The following NOL4L variants were observed in gnomAD, a reference collection of about 807,000 sequenced individuals.
NOL4L encodes nucleolar protein 4-like.
Under a neutral mutation model 64.5 loss-of-function variants are expected in NOL4L, and 7 were observed. The ratio of observed to expected loss-of-function variants is 0.11; its 90% confidence interval spans 0.06 to 0.20. The LOEUF is 0.20. Ranked by LOEUF, NOL4L falls within the 10% of genes least tolerant of loss-of-function variation. NOL4L has a pLI of 1.00. For missense variants in NOL4L, 680 were observed against 967.1 expected, an observed-to-expected ratio of 0.70 and a Z score of 3.94; for synonymous variants, 413 against 401.0, an observed-to-expected ratio of 1.03 and a Z score of -0.36.
chr20:32,455,841 G>A (rs375874477), intron 6 of NOL4L, among the ~76,000 whole-genome samples: 132 of 152,318 alleles, frequency 8.7e-4, no homozygotes, highest in African/African-American at 2.7e-3. Context: ...ATGGGTTGTG[G>A]GGATGCATAT....
chr20:32,451,228 C>T (rs936581145), intron 10 of NOL4L, among the ~76,000 whole-genome samples: 3 of 152,220 alleles, frequency 2.0e-5, no homozygotes, highest in South Asian at 2.1e-4. Context: ...GGCTTCTGAA[C>T]GACCCCCAAA....
intron 1 of NOL4L, among the ~76,000 whole-genome samples, chr20:32,552,502 C>G (rs1490868702): frequency 2.0e-5 from 3 of 152,048 alleles, no homozygotes; most frequent in Non-Finnish European, 2.9e-5. Context: ...GCCTAGCCAA[C>G]ATGGCGAAAC....
intron 4 of NOL4L, among the ~76,000 whole-genome samples, chr20:32,495,630 C>T (rs905059667): frequency 3.9e-5 from 6 of 152,096 alleles, no homozygotes; most frequent in Non-Finnish European, 7.4e-5. Flanking sequence ...GATGTCTGAC[C>T]CAAACCTGCT....
At chr20:32,486,784 G>A (rs570975573) in intron 4 of NOL4L, 10 of 471,100 alleles carry the variant, frequency 2.1e-5, no homozygotes, top group East Asian at 1.4e-4. Context: ...TGATGTCCTC[G>A]GCTCCTGAAG....
At position 32,472,752 on chromosome 20, in the gene NOL4L, C is replaced by T. The variant is rs974184909; in HGVS notation, c.841+1849G>A. Among the ~76,000 whole-genome samples the T allele has an allele frequency of 2.8e-4, 43 of 152,004 alleles. 1 individual carries two copies. Among genetic ancestry groups the T allele is most frequent in the African/African-American group, 7.0e-4 (29 of 41,380 alleles). The stretch of plus-strand genomic sequence containing the variant: ...CCTGCCCAGGGTCTCAGCCAGCCAG[C>T]GGGGTGGCCCACAACTCCATGAGTG... On this transcript the variant is annotated intron_variant, in intron 5 of 10. Transcript: ENST00000621426.
At chr20:32,519,201 C>A (rs1568681036) in intron 3 of NOL4L, among the ~76,000 whole-genome samples, 1 of 152,140 alleles carries the variant, frequency 6.6e-6, no homozygotes, top group African/African-American at 2.4e-5. Context: ...TGAAGTTGGC[C>A]CATGTGCCCA....
Position 32,447,429 on chromosome 20 carries a change from A to AAAAAATTG in NOL4L, c.*166_*167insCAATTTTT. 1.3e-6 allele frequency: 1 copy of AAAAAATTG among 757,714 alleles called. No individual in the cohort carries two copies. Among genetic ancestry groups the AAAAAATTG allele is most frequent in the Non-Finnish European group, 2.0e-6 (1 of 494,146 alleles). 46.9% of individuals were successfully genotyped at this position (757,714 alleles called of 1,614,324 possible). A position where few individuals can be genotyped will look rare whatever the true frequency, so the allele number is the denominator to read the frequency against. The stretch of plus-strand genomic sequence containing the variant: ...AAAAAAAAAAAAAAAAAAAAAAAAA[A>AAAAAATTG]GTGTCCTTGTGCCCAAAGTCTCAGG... On this transcript the variant is annotated 3_prime_UTR_variant, in exon 11 of 11. Transcript: ENST00000621426.
chr20:32,492,911 T>C (rs934179611), intron 4 of NOL4L, among the ~76,000 whole-genome samples: 11 of 151,908 alleles, frequency 7.2e-5, no homozygotes, highest in African/African-American at 2.4e-4. Context: ...GTCTCCAGGG[T>C]GTGTGGTGGG....
chr20:32,525,618 A>T (rs1233479485), intron 2 of NOL4L, among the ~76,000 whole-genome samples: 1 of 152,194 alleles, frequency 6.6e-6, no homozygotes, highest in African/African-American at 2.4e-5. Context: ...TTTTTGAGAC[A>T]GGGTCTTGCT....
intron 6 of NOL4L, among the ~76,000 whole-genome samples, chr20:32,454,946 C>T (rs573511425): frequency 1.3e-4 from 20 of 152,314 alleles, no homozygotes; most frequent in African/African-American, 3.1e-4. Flanking sequence ...GGACCAGGCC[C>T]GCAGGGGTTG....
intron 4 of NOL4L, among the ~76,000 whole-genome samples, chr20:32,480,100 T>C (rs1600716965): frequency 6.6e-6 from 1 of 152,192 alleles, no homozygotes; most frequent in Non-Finnish European, 1.5e-5. Flanking sequence ...ATCAGTAACC[T>C]GATTATTTTA....
Position 32,494,252 on chromosome 20 carries a change from GGAAAAAAAAAA to G in NOL4L, c.699+17084_699+17094del, listed in dbSNP as rs1408695081. 1.8e-4 allele frequency among the ~76,000 whole-genome samples: 5 copies of G among 27,098 alleles called. No individual in the cohort carries two copies. The South Asian group carries it at 7.1e-3, about 39-fold the overall frequency. 17.8% of individuals were successfully genotyped at this position (27,098 alleles called of 152,430 possible). On this transcript the variant is annotated intron_variant, in intron 4 of 10. Transcript: ENST00000621426. ...TGGGCCACAGAGTGAGATAATCTCG[GGAAAAAAAAAA>G]AAAAAAAAAAAAAAAAAAACACACA...
chr20:32,536,806 G>C (rs966526524), intron 1 of NOL4L, among the ~76,000 whole-genome samples: 18 of 123,086 alleles, frequency 1.5e-4, no homozygotes, highest in African/African-American at 4.7e-4. Context: ...GAGTGGGGGG[G>C]GGGGGGCGCA....
intron 4 of NOL4L, among the ~76,000 whole-genome samples, chr20:32,509,484 C>A (rs1318381308): frequency 7.1e-6 from 1 of 140,922 alleles, no homozygotes; most frequent in African/African-American, 2.7e-5. Flanking sequence ...GGCCACTGCA[C>A]TCCAGCCTGG....
intron 4 of NOL4L, among the ~76,000 whole-genome samples, chr20:32,488,121 A>G (rs1175967985): frequency 6.6e-6 from 1 of 151,828 alleles, no homozygotes; most frequent in African/African-American, 2.4e-5. Context: ...GTAGAGATGG[A>G]GTTTTACCAT....
At chr20:32,483,253 C>T (rs1398809727) in intron 4 of NOL4L, 6 of 629,792 alleles carry the variant, frequency 9.5e-6, no homozygotes, top group South Asian at 7.0e-5. Context: ...CCCAGCCCCT[C>T]GCCCCCCTAA....
chr20:32,471,308 C>T (rs1401861929), intron 5 of NOL4L, among the ~76,000 whole-genome samples: 4 of 151,320 alleles, frequency 2.6e-5, no homozygotes, highest in Admixed American at 2.6e-4. Flanking sequence ...CAGAGGCATG[C>T]TCCTGGGGAG....
chr20:32,508,807 C>T (rs2017248792), intron 4 of NOL4L, among the ~76,000 whole-genome samples: 1 of 152,210 alleles, frequency 6.6e-6, no homozygotes, highest in Admixed American at 6.5e-5. Context: ...TCCTGCATCT[C>T]AGGTCATGAA....
At position 32,531,271 on chromosome 20, in the gene NOL4L, C is replaced by T. The variant is rs116883844; in HGVS notation, c.322-3358G>A. ...TGTGGGAAGGAATGGAGAAAGAAAG[C>T]AATCTGATGAGGAGACAATATTTTA... On this transcript the variant is annotated intron_variant, in intron 1 of 10. Coordinates refer to ENST00000621426, the MANE Select transcript of NOL4L (RefSeq NM_001256798.2). Among the ~76,000 whole-genome samples the T allele has an allele frequency of 6.9e-3, 1,052 of 152,108 alleles. 8 individuals are homozygous for T. Among genetic ancestry groups the T allele is most frequent in the Non-Finnish European group, 0.013 (891 of 67,996 alleles).
Sources: allele counts gnomAD v4.1 joint callset (sites outside exome capture counted in the v4.1 genomes callset), GRCh38; gene constraint gnomAD v4.1.1; transcripts MANE v1.5; gene names NCBI Gene and HGNC (gene_info 2026-07-23, HGNC 2026-07-21).